Variants in TRAK1 observed in about 807,000 individuals in gnomAD.
The protein encoded by TRAK1 is trafficking kinesin protein 1, also known as trafficking kinesin-binding protein 1.
TRAK1 carries 33 observed loss-of-function variants against 92.1 expected under a neutral mutation model. The observed-to-expected ratio is 0.36, with a 90% CI of 0.27 to 0.48. TRAK1 has a LOEUF of 0.48. TRAK1 is among the 20% of genes least tolerant of loss of function. The probability of loss-of-function intolerance (pLI) is 0.99; values close to 1 mark genes in which losing one functional copy is unlikely to be tolerated. For synonymous variants in TRAK1, 521 were observed against 517.3 expected, an observed-to-expected ratio of 1.01 and a Z score of -0.10; for missense variants, 1,123 against 1,257.9, an observed-to-expected ratio of 0.89 and a Z score of 1.62.
At chr3:42,178,057 C>A (rs1703451379) in intron 3 of TRAK1, among the ~76,000 whole-genome samples, 1 of 152,288 alleles carries the variant, frequency 6.6e-6, no homozygotes, top group South Asian at 2.1e-4. Context: ...ATCACTGACC[C>A]CTTTCTGCTG....
chr3:42,020,812 A>C (rs1285126942), intron 1 of TRAK1, among the ~76,000 whole-genome samples: 2 of 152,216 alleles, frequency 1.3e-5, no homozygotes, highest in Non-Finnish European at 2.9e-5. Flanking sequence ...CAGGGCTCCC[A>C]CAGTAAACTT....
intron 1 of TRAK1, among the ~76,000 whole-genome samples, chr3:42,055,659 T>C (rs1703176212): frequency 6.6e-6 from 1 of 152,154 alleles, no homozygotes; most frequent in African/African-American, 2.4e-5. Flanking sequence ...AGATGGAGTC[T>C]CCTTATGTTG....
At chr3:42,083,914 T>G (rs1162673778), upstream of TRAK1, among the ~76,000 whole-genome samples, 1 of 151,916 alleles carries the variant, frequency 6.6e-6, no homozygotes, top group Non-Finnish European at 1.5e-5. Context: ...ATAAATAAAT[T>G]CTGAGGAATT....
chr3:42,176,942 A>G (rs750921985), intron 3 of TRAK1, 52 bp downstream of exon 3: 4 of 1,502,326 alleles, frequency 2.7e-6, no homozygotes, highest in Admixed American at 1.7e-5. Flanking sequence ...ACTGGTTTTC[A>G]TGGATACTGA....
At chr3:42,134,391 T>C (rs1211252759) in intron 2 of TRAK1, among the ~76,000 whole-genome samples, 1 of 150,068 alleles carries the variant, frequency 6.7e-6, no homozygotes, top group Non-Finnish European at 1.5e-5. Context: ...GATCCTTCTG[T>C]CTCAGCCTCC....
chr3:42,143,709 T>G (rs565131435), intron 2 of TRAK1, among the ~76,000 whole-genome samples: 442 of 152,012 alleles, frequency 2.9e-3, no homozygotes, highest in African/African-American at 0.01. Flanking sequence ...GAGTGTCAGG[T>G]CATGGTAGGG....
chr3:42,154,662 C>T (rs530888836), intron 2 of TRAK1, among the ~76,000 whole-genome samples: 1 of 152,230 alleles, frequency 6.6e-6, no homozygotes, highest in African/African-American at 2.4e-5. Flanking sequence ...AACTCCTAGG[C>T]TCAAGTGATC....
chr3:42,028,248 G>C (rs1158740528), intron 1 of TRAK1, among the ~76,000 whole-genome samples: 1 of 152,226 alleles, frequency 6.6e-6, no homozygotes, highest in Non-Finnish European at 1.5e-5. Context: ...TTGCTGAGTG[G>C]TTTATGTTTA....
At chr3:42,016,057 A>AAACAAG (rs1004560194) in intron 1 of TRAK1, among the ~76,000 whole-genome samples, 4 of 152,158 alleles carry the variant, frequency 2.6e-5, no homozygotes, top group African/African-American at 9.7e-5. Context: ...ACAAAAACAA[A>AAACAAG]AAACATAAAA....
At chr3:42,160,490 G>T (rs751720606) in intron 2 of TRAK1, 20 of 1,613,198 alleles carry the variant, frequency 1.2e-5, no homozygotes, top group African/African-American at 2.7e-5. Context: ...TCTGTACTTG[G>T]CTCAGATTTG....
intron 2 of TRAK1, among the ~76,000 whole-genome samples, chr3:42,140,885 T>A (rs1414352725): frequency 6.6e-6 from 1 of 152,162 alleles, no homozygotes; most frequent in East Asian, 1.9e-4. Flanking sequence ...GGAAGCAGGT[T>A]CCAGAGGGGG....
intron 1 of TRAK1, among the ~76,000 whole-genome samples, chr3:42,074,108 A>G (rs897615035): frequency 1.3e-5 from 2 of 152,154 alleles, no homozygotes; most frequent in Non-Finnish European, 2.9e-5. Flanking sequence ...CTCCTTTAAG[A>G]GCAGTGTTAC....
In TRAK1 at chr3:42,199,243, C is replaced by T. The variant is rs1267401110; in HGVS notation, c.1180C>T (p.Pro394Ser). 3.1e-6 allele frequency: 5 copies of T among 1,614,020 alleles called. No homozygotes were observed. In the East Asian group the frequency reaches 8.9e-5, roughly 29 times the overall value. ...GCTGCAGTTGGAAGAGGCCGAGTCT[C>T]CAGACATCACGTACGGCCACAGTTT... The part of the protein sequence containing the change: ...KELQLEEAES[P>S]DITHQKRVFE... Residue 394 changes from proline to serine, a missense_variant, in exon 11 of 16, where the codon CCA becomes TCA. By Grantham distance (74) the Pro-to-Ser change is moderately conservative. Transcript: ENST00000327628.
intron 1 of TRAK1, among the ~76,000 whole-genome samples, chr3:42,081,502 G>C (rs889219854): frequency 1.2e-4 from 18 of 152,232 alleles, no homozygotes; most frequent in Middle Eastern, 3.4e-3. Flanking sequence ...GCCAACACCG[G>C]TCCATGCTTT....
chr3:42,152,194 C>A (rs1445724259), intron 2 of TRAK1, among the ~76,000 whole-genome samples: 1 of 152,174 alleles, frequency 6.6e-6, no homozygotes, highest in Non-Finnish European at 1.5e-5. Flanking sequence ...CCCATCTCTG[C>A]CTGTCCTGCT....
upstream of TRAK1, among the ~76,000 whole-genome samples, chr3:42,087,750 A>G (rs529392185): frequency 2.0e-5 from 3 of 152,174 alleles, no homozygotes; most frequent in Non-Finnish European, 4.4e-5. Context: ...CTCTCTTTGC[A>G]CTCAGCTTCT....
intron 2 of TRAK1, among the ~76,000 whole-genome samples, chr3:42,132,662 C>G (rs909537581): frequency 6.6e-6 from 1 of 152,084 alleles, no homozygotes; most frequent in Admixed American, 6.6e-5. Context: ...TCCCCAGGCC[C>G]CACCGTCAGG....
chr3:42,128,303 A>G (rs1258327490), intron 2 of TRAK1, among the ~76,000 whole-genome samples: 1 of 152,250 alleles, frequency 6.6e-6, no homozygotes, highest in African/African-American at 2.4e-5. Flanking sequence ...TCCTGGTAGT[A>G]GATAACACAA....
chr3:42,050,060 G>A (rs539069381), intron 1 of TRAK1, among the ~76,000 whole-genome samples: 10 of 152,204 alleles, frequency 6.6e-5, no homozygotes, highest in African/African-American at 2.2e-4. Context: ...CTTTTTCACC[G>A]GGGACTGTTT....
Sources: allele counts gnomAD v4.1 joint callset (sites outside exome capture counted in the v4.1 genomes callset), GRCh38; gene constraint gnomAD v4.1.1; transcripts MANE v1.5; gene names NCBI Gene and HGNC (gene_info 2026-07-23, HGNC 2026-07-21).